The following CADM1 variants were observed in gnomAD, a reference collection of about 807,000 sequenced individuals.
CADM1 encodes the protein TSLC-1.
A neutral mutation model predicts 53.1 loss-of-function variants in CADM1; 15 were observed. That is an observed-to-expected ratio of 0.28 (90% confidence interval 0.19 to 0.44). The LOEUF (loss-of-function observed/expected upper bound fraction) is 0.44, where lower values mean the gene tolerates loss of function less well. Ranked by LOEUF, CADM1 falls within the 20% of genes least tolerant of loss-of-function variation. CADM1 has a pLI of 1.00. For missense variants in CADM1, 434 were observed against 611.3 expected, an observed-to-expected ratio of 0.71 and a Z score of 3.06; for synonymous variants, 281 against 243.0, an observed-to-expected ratio of 1.16 and a Z score of -1.45.
At chr11:115,404,389 G>A (rs1209462862) in intron 1 of CADM1, among the ~76,000 whole-genome samples, 7 of 85,776 alleles carry the variant, frequency 8.2e-5, no homozygotes, top group African/African-American at 3.7e-4. Context: ...ATATATATAT[G>A]GCCCATTTGC....
At position 115,176,164 on chromosome 11, in the gene CADM1, A is replaced by T; in HGVS notation, c.*310T>A. On this transcript the variant is annotated 3_prime_UTR_variant, in exon 12 of 12. Coordinates refer to ENST00000331581, the MANE Select transcript of CADM1 (RefSeq NM_001301043.2). ...GGGAAAAGAAAGGAACGCAACAAAC[A>T]AACAAAAAACAAGGCACAGAATTTT... 8.4e-7 allele frequency: 1 copy of T among 1,183,584 alleles called. No homozygotes were observed. Among genetic ancestry groups the T allele is most frequent in the Non-Finnish European group, 1.1e-6 (1 of 942,210 alleles). 73.3% of individuals were successfully genotyped at this position (1,183,584 alleles called of 1,614,324 possible).
intron 1 of CADM1, among the ~76,000 whole-genome samples, chr11:115,420,416 T>A (rs2135268605): frequency 6.6e-6 from 1 of 152,306 alleles, no homozygotes; most frequent in Non-Finnish European, 1.5e-5. Flanking sequence ...CTGTTTTGTT[T>A]ACAATTTTCT....
chr11:115,415,823 C>CA (rs71066426), intron 1 of CADM1, among the ~76,000 whole-genome samples: 674 of 43,666 alleles, frequency 0.015, 77 homozygotes, highest in African/African-American at 0.038. Flanking sequence ...AGACTGTCTC[C>CA]AAAAAAAAAA....
intron 1 of CADM1, among the ~76,000 whole-genome samples, chr11:115,467,603 C>T (rs1948923075): frequency 6.6e-6 from 1 of 152,156 alleles, no homozygotes; most frequent in Admixed American, 6.6e-5. Context: ...AAACAGGTGG[C>T]GTGTCCCTCA....
At chr11:115,392,949 C>A (rs1299224907) in intron 1 of CADM1, among the ~76,000 whole-genome samples, 1 of 151,508 alleles carries the variant, frequency 6.6e-6, no homozygotes, top group African/African-American at 2.4e-5. Flanking sequence ...GGCTGAGGCT[C>A]CTGGGCCCAG....
intron 3 of CADM1, among the ~76,000 whole-genome samples, chr11:115,233,554 T>C (rs916276831): frequency 6.6e-6 from 1 of 152,094 alleles, no homozygotes; most frequent in African/African-American, 2.4e-5. Context: ...GCATTCTGAG[T>C]GCAGTATTAT....
chr11:115,350,097 G>A (rs753467990), intron 1 of CADM1, among the ~76,000 whole-genome samples: 1 of 152,038 alleles, frequency 6.6e-6, no homozygotes, highest in Non-Finnish European at 1.5e-5. Context: ...TCAGCCTCCC[G>A]AGTAGCTGGG....
At chr11:115,285,972 T>C (rs1212986482) in intron 1 of CADM1, among the ~76,000 whole-genome samples, 6 of 152,162 alleles carry the variant, frequency 3.9e-5, no homozygotes, top group Non-Finnish European at 7.3e-5. Flanking sequence ...GACATGGTTG[T>C]TTTGAGGGGA....
At chr11:115,323,850 T>G (rs1944888717) in intron 1 of CADM1, among the ~76,000 whole-genome samples, 1 of 151,334 alleles carries the variant, frequency 6.6e-6, no homozygotes, top group African/African-American at 2.4e-5. Flanking sequence ...TATGTGGCAG[T>G]GGTTTCTGCT....
chr11:115,238,851 T>C (rs1170080080), intron 2 of CADM1, among the ~76,000 whole-genome samples, 199 bp from the exon 3 acceptor site: 2 of 152,038 alleles, frequency 1.3e-5, no homozygotes, highest in African/African-American at 4.8e-5. Context: ...TGTGTGTATG[T>C]GTGCGTGTGC....
At chr11:115,316,977 C>T (rs138834726) in intron 1 of CADM1, among the ~76,000 whole-genome samples, 10 of 152,224 alleles carry the variant, frequency 6.6e-5, no homozygotes, top group African/African-American at 2.2e-4. Flanking sequence ...CAAAAGATTG[C>T]TTAAGCAAAT....
intron 1 of CADM1, among the ~76,000 whole-genome samples, chr11:115,345,681 C>T (rs1945558144): frequency 6.6e-6 from 1 of 152,156 alleles, no homozygotes; most frequent in Non-Finnish European, 1.5e-5. Flanking sequence ...ACTTAAGTTG[C>T]TGATGTTTAC....
chr11:115,358,913 C>G (rs1319667794), intron 1 of CADM1, among the ~76,000 whole-genome samples: 1 of 152,068 alleles, frequency 6.6e-6, no homozygotes, highest in Admixed American at 6.6e-5. Flanking sequence ...CTTCGCCCAC[C>G]GAGTATTTCA....
chr11:115,501,063 C>G (rs777143272), intron 1 of CADM1, among the ~76,000 whole-genome samples: 2 of 152,184 alleles, frequency 1.3e-5, no homozygotes, highest in African/African-American at 2.4e-5. Context: ...TTTATTCCCC[C>G]CCTTTTTCGT....
chr11:115,337,241 A>G (rs938451152), intron 1 of CADM1, among the ~76,000 whole-genome samples: 2 of 152,124 alleles, frequency 1.3e-5, no homozygotes, highest in Non-Finnish European at 2.9e-5. Flanking sequence ...TTAGCTTCTG[A>G]CTGAGATTTA....
At chr11:115,243,095 C>G (rs1942297444) in intron 1 of CADM1, among the ~76,000 whole-genome samples, 1 of 152,186 alleles carries the variant, frequency 6.6e-6, no homozygotes, top group Non-Finnish European at 1.5e-5. Context: ...CATTCTTAAT[C>G]ACTTATAATT....
At chr11:115,358,265 T>C (rs1048983640) in intron 1 of CADM1, among the ~76,000 whole-genome samples, 8 of 152,178 alleles carry the variant, frequency 5.3e-5, no homozygotes, top group African/African-American at 1.9e-4. Flanking sequence ...AAAAGATTCA[T>C]AAAGTATTGT....
intron 1 of CADM1, among the ~76,000 whole-genome samples, chr11:115,283,201 G>C (rs1943633616): frequency 6.6e-6 from 1 of 152,180 alleles, no homozygotes; most frequent in Non-Finnish European, 1.5e-5. Context: ...AACAGTCCCT[G>C]AAAGAGGAAA....
chr11:115,411,572 A>T (rs1333159690), intron 1 of CADM1, among the ~76,000 whole-genome samples: 1 of 152,232 alleles, frequency 6.6e-6, no homozygotes, highest in Admixed American at 6.5e-5. Flanking sequence ...GACCCTGTAG[A>T]GTCTCTGACT....
Sources: gnomAD v4.1 joint callset for allele counts (sites outside exome capture counted in the v4.1 genomes callset) on GRCh38, gnomAD v4.1.1 for gene constraint, MANE v1.5 for transcripts, NCBI Gene and HGNC (gene_info 2026-07-23, HGNC 2026-07-21) for gene names.